SHANK2: variants seen among roughly 807,000 people sequenced by gnomAD.
SHANK2 encodes SH3 and multiple ankyrin repeat domains 2.
In SHANK2, 43 loss-of-function variants were observed where a neutral mutation model predicts 133.7. The ratio of observed to expected loss-of-function variants is 0.32; its 90% CI spans 0.25 to 0.41. The LOEUF is 0.41. SHANK2 is among the 10% of genes least tolerant of loss of function. The probability of loss-of-function intolerance (pLI) is 1.00; values close to 1 mark genes in which losing one functional copy is unlikely to be tolerated. For synonymous variants in SHANK2, 1,017 were observed against 952.8 expected (o/e 1.07, Z -1.24); for missense variants, 1,994 against 2,235.8 (o/e 0.89, Z 2.18).
Position 70,862,112 on chromosome 11 carries a change from G to A in SHANK2, c.1174+34389C>T, listed in dbSNP as rs144113070. ...GAGGTGACACCTCTCCCCACGATGCGGCTGTCTCTGTTTCAGCTGATCTAA... is the reference window on the plus strand; with the variant it reads ...GAGGTGACACCTCTCCCCACGATGCAGCTGTCTCTGTTTCAGCTGATCTAA... On this transcript the variant is annotated intron_variant, in intron 11 of 25. Coordinates refer to ENST00000601538, the MANE Select transcript of SHANK2 (RefSeq NM_012309.5). Among the ~76,000 whole-genome samples, 31 of 152,258 alleles carry A rather than the reference G, an allele frequency of 2.0e-4. No individual in the cohort carries two copies. The East Asian group carries it at 3.9e-3, about 19-fold the overall frequency.
intron 2 of SHANK2, among the ~76,000 whole-genome samples, chr11:71,167,946 G>A (rs1413214649): frequency 1.4e-5 from 2 of 146,670 alleles, no homozygotes; most frequent in African/African-American, 5.2e-5. Context: ...CTCCCTGCCG[G>A]ACGAGGTGGC....
At chr11:70,669,749 C>G (rs1447639206) in intron 15 of SHANK2, 1 of 152,404 alleles carries the variant, frequency 6.6e-6, no homozygotes, top group African/African-American at 2.4e-5. Context: ...GTCAACGTCA[C>G]GACCCATTTA....
chr11:71,248,886 C>T (rs111884744), intron 1 of SHANK2, among the ~76,000 whole-genome samples: 8 of 152,336 alleles, frequency 5.3e-5, no homozygotes, highest in East Asian at 1.9e-4. Context: ...CCTGTCACAA[C>T]ACGGACTAAC....
At chr11:70,663,966 G>A (rs1049072286) in intron 15 of SHANK2, among the ~76,000 whole-genome samples, 11 of 152,182 alleles carry the variant, frequency 7.2e-5, no homozygotes, top group African/African-American at 2.7e-4. Context: ...ATCACCATGG[G>A]GTCAGATGAG....
chr11:71,090,088 CGT>C (rs1302645293), intron 8 of SHANK2, among the ~76,000 whole-genome samples: 100,561 of 140,964 alleles, frequency 0.71, 35,319 homozygotes, highest in South Asian at 0.78. Context: ...AGACACAGAA[CGT>C]GTGTGTGTGT....
At chr11:71,210,210 G>GTATATATATATATATATATATATATA (rs71049962) in intron 2 of SHANK2, among the ~76,000 whole-genome samples, 5 of 54,054 alleles carry the variant, frequency 9.3e-5, no homozygotes, top group Non-Finnish European at 1.3e-4. Context: ...AAATCCACAG[G>GTATATATATATATATATATATATATA]TATATATATA....
chr11:70,605,272 G>T (rs555901027), intron 17 of SHANK2, among the ~76,000 whole-genome samples: 1 of 152,378 alleles, frequency 6.6e-6, no homozygotes, highest in East Asian at 1.9e-4. Flanking sequence ...AGCCCCGGGG[G>T]TGGGAACACC....
intron 14 of SHANK2, among the ~76,000 whole-genome samples, chr11:70,791,655 T>C (rs528611488): frequency 1.3e-5 from 2 of 152,298 alleles, no homozygotes; most frequent in African/African-American, 2.4e-5. Context: ...TGTTTCCCCA[T>C]TGCCTCAGGT....
At chr11:70,520,830 A>G (rs191343266) in intron 17 of SHANK2, among the ~76,000 whole-genome samples, 11 of 152,324 alleles carry the variant, frequency 7.2e-5, no homozygotes, top group South Asian at 2.1e-4. Context: ...TTTATTTTCT[A>G]GCTCAAATTG....
At chr11:70,681,675 A>G (rs1021820886) in intron 15 of SHANK2, among the ~76,000 whole-genome samples, 8 of 152,116 alleles carry the variant, frequency 5.3e-5, no homozygotes, top group African/African-American at 9.7e-5. Flanking sequence ...TGAGCTCCCC[A>G]GATTACTCAC....
At chr11:70,815,661 T>TG (rs1948378390) in intron 12 of SHANK2, among the ~76,000 whole-genome samples, 2 of 152,136 alleles carry the variant, frequency 1.3e-5, no homozygotes, top group Admixed American at 6.5e-5. Context: ...AAGCAGACCC[T>TG]GCCTACAGCT....
At chr11:70,587,304 C>T (rs1228949400) in intron 17 of SHANK2, among the ~76,000 whole-genome samples, 1 of 152,186 alleles carries the variant, frequency 6.6e-6, no homozygotes, top group Non-Finnish European at 1.5e-5. Flanking sequence ...CTAAAGGCAG[C>T]CTGGCCAACA....
intron 14 of SHANK2, among the ~76,000 whole-genome samples, chr11:70,713,653 C>A (rs1438637423): frequency 1.3e-5 from 2 of 152,190 alleles, no homozygotes; most frequent in South Asian, 2.1e-4. Flanking sequence ...TGCCTCCAGG[C>A]GGCAGAGCTG....
rs201999958 is a variant in SHANK2, at chr11:70,708,865, AG to A, written c.1778-10103del. 7.1e-3 allele frequency among the ~76,000 whole-genome samples: 1,074 copies of A among 152,322 alleles called. 10 individuals carry two copies. Among genetic ancestry groups the A allele is most frequent in the Middle Eastern group, 0.02 (6 of 294 alleles). On this transcript the variant is annotated intron_variant, in intron 14 of 25. Transcript: ENST00000601538. ...CATGCGTCCTGAAGAGGGGATTGAA[AG>A]GCCTTCTGATGTGTGGACCCCCCCT...
intron 2 of SHANK2, among the ~76,000 whole-genome samples, chr11:71,165,780 C>T (rs1953132097): frequency 6.6e-6 from 1 of 152,080 alleles, no homozygotes; most frequent in South Asian, 2.1e-4. Flanking sequence ...GTCATGTAAC[C>T]TTTTCTCAGG....
intron 11 of SHANK2, among the ~76,000 whole-genome samples, chr11:70,856,517 A>G (rs1321475172): frequency 6.6e-6 from 1 of 151,804 alleles, no homozygotes; most frequent in Admixed American, 6.6e-5. Flanking sequence ...GGATGGATGG[A>G]TGGATGGATG....
chr11:71,249,083 G>T (rs1382926688), intron 1 of SHANK2, among the ~76,000 whole-genome samples: 3 of 152,134 alleles, frequency 2.0e-5, no homozygotes, highest in Admixed American at 2.0e-4. Context: ...TGGGTGGGAG[G>T]TTAGGTGCAG....
At chr11:70,944,918 T>C (rs1445740146) in intron 10 of SHANK2, among the ~76,000 whole-genome samples, 3 of 152,254 alleles carry the variant, frequency 2.0e-5, no homozygotes, top group Non-Finnish European at 2.9e-5. Context: ...GTTTCTCAAA[T>C]GCTCCCTGTT....
In SHANK2 at chr11:70,473,045, C is replaced by T; in HGVS notation, c.5374G>A (p.Ala1792Thr). 6.2e-7 allele frequency: 1 copy of T among 1,614,220 alleles called. No individual in the cohort carries two copies. Among genetic ancestry groups the T allele is most frequent in the Non-Finnish European group, 8.5e-7 (1 of 1,180,044 alleles). ...AAGTTTAGACTTTCCAGCCAATCGGCCACATCTGGTTTAGTCCACAGGTGG... is the reference window on the plus strand; with the variant it reads ...AAGTTTAGACTTTCCAGCCAATCGGTCACATCTGGTTTAGTCCACAGGTGG... ...PVHLWTKPDV[A>T]DWLESLNLGE... is the part of the protein sequence containing the mutation. Residue 1792 changes from alanine to threonine, a missense_variant, in exon 26 of 26, where the codon GCC becomes ACC. Physicochemically the swap from Ala to Thr is moderately conservative, Grantham distance 58. Around this residue, in one of 5 missense-constraint regions of SHANK2, gnomAD observed 42 missense variants for 79.9 expected, o/e 0.53. Transcript: ENST00000601538. This position sits in a 1 kb window ranked among gnomAD's most constrained non-coding sequence, Gnocchi z 5.9.
Sources: allele counts gnomAD v4.1 joint callset (sites outside exome capture counted in the v4.1 genomes callset), GRCh38; gene constraint gnomAD v4.1.1; regional missense constraint gnomAD v4.1.1; non-coding constraint Gnocchi (gnomAD v3.1); transcripts MANE v1.5; gene names NCBI Gene and HGNC (gene_info 2026-07-23, HGNC 2026-07-21).